Variants in TXNL4B observed in about 807,000 individuals in gnomAD.
TXNL4B encodes thioredoxin like 4B, also known as thioredoxin-like protein 4B.
TXNL4B carries 12 observed loss-of-function variants against 13.0 expected under a neutral mutation model. The observed-to-expected ratio is 0.92, with a 90% CI of 0.59 to 1.49. The LOEUF (loss-of-function observed/expected upper bound fraction) is 1.49, where lower values mean the gene tolerates loss of function less well. Among genes scored for constraint, TXNL4B ranks in the 40% most tolerant of loss-of-function variants. TXNL4B has a pLI of 0.00. For synonymous variants in TXNL4B, 59 were observed against 58.9 expected, an observed-to-expected ratio of 1.00 and a Z score of -0.01; for missense variants, 214 against 173.6, an observed-to-expected ratio of 1.23 and a Z score of -1.31.
At chr16:72,091,155 T>C (rs2041898932) in intron 1 of TXNL4B, among the ~76,000 whole-genome samples, 1 of 152,166 alleles carries the variant, frequency 6.6e-6, no homozygotes. Context: ...TTTGGTAATT[T>C]GAAGGCAGTT....
chr16:72,088,084 G>A (rs906320791), intron 3 of TXNL4B, among the ~76,000 whole-genome samples: 1 of 152,190 alleles, frequency 6.6e-6, no homozygotes, highest in African/African-American at 2.4e-5. Flanking sequence ...TTCCCAAAGT[G>A]CTGGGATTAC....
chr16:72,087,511 G>T (rs1436175779), intron 3 of TXNL4B: 1 of 152,138 alleles, frequency 6.6e-6, no homozygotes, highest in East Asian at 1.9e-4. Flanking sequence ...AGTCCTGGAA[G>T]TGTAATTACT....
At chr16:72,087,691 A>G (rs1398567147) in intron 3 of TXNL4B, among the ~76,000 whole-genome samples, 1 of 151,674 alleles carries the variant, frequency 6.6e-6, no homozygotes, top group Non-Finnish European at 1.5e-5. Flanking sequence ...TTTGCGATGG[A>G]GCCTTGCTCT....
chr16:72,091,444 G>C (rs749030070), intron 1 of TXNL4B, among the ~76,000 whole-genome samples: 1 of 152,176 alleles, frequency 6.6e-6, no homozygotes, highest in Non-Finnish European at 1.5e-5. Context: ...GCCTGTTGAG[G>C]CAGGCAAACC....
In TXNL4B at chr16:72,088,975, A is replaced by G; in HGVS notation, c.284+12T>C. 6.3e-7 allele frequency: 1 copy of G among 1,587,516 alleles called. No individual in the cohort carries two copies. The highest frequency in any genetic ancestry group is 8.6e-7 in the Non-Finnish European group (1 of 1,161,142). On this transcript the variant is annotated intron_variant, in intron 3 of 3. Transcript: ENST00000268483. ...ACAAGGTTGCAATTAACTTCAGATCAACTGCACTTACCCATAATCCACTTT... is the reference window on the plus strand; with the variant it reads ...ACAAGGTTGCAATTAACTTCAGATCGACTGCACTTACCCATAATCCACTTT...
chr16:72,086,713 C>A lies in TXNL4B; in HGVS notation c.374G>T (p.Arg125Met). The A allele has an allele frequency of 6.2e-7, 1 of 1,613,950 alleles. No individual in the cohort carries two copies. Among genetic ancestry groups the A allele is most frequent in the Non-Finnish European group, 8.5e-7 (1 of 1,179,832 alleles). The change falls in exon 4 of 4, where the codon AGG (arginine) becomes ATG (methionine). Residue 125 changes from arginine to methionine, a missense_variant. Transcript: ENST00000268483. Reference sequence around the variant, plus strand: ...AGGACTTTGGACAATAAGCTTCCCCCTCATTGCTCCTCGATAGATTACTTC... The same window carrying A: ...AGGACTTTGGACAATAAGCTTCCCCATCATTGCTCCTCGATAGATTACTTC... Reference protein sequence around the residue: ...LIEVIYRGAMRGKLIVQSPID... With the variant: ...LIEVIYRGAMMGKLIVQSPID...
intron 2 of TXNL4B, chr16:72,090,015 C>G (rs2041879329): frequency 2.2e-6 from 1 of 445,498 alleles, no homozygotes; most frequent in Admixed American, 2.4e-5. Flanking sequence ...TCCTCTGGTC[C>G]TTTTTTCCCC....
At chr16:72,087,453 CAT>C (rs1175103584) in intron 3 of TXNL4B, 1 of 151,374 alleles carries the variant, frequency 6.6e-6, no homozygotes, top group Non-Finnish European at 1.5e-5. Flanking sequence ...TTCTAGCTGA[CAT>C]ATATTTCTTT....
At chr16:72,088,395 T>C (rs2041854676) in intron 3 of TXNL4B, among the ~76,000 whole-genome samples, 1 of 152,248 alleles carries the variant, frequency 6.6e-6, no homozygotes, top group Admixed American at 6.5e-5. Context: ...CAATCATCAA[T>C]ATTAAGTATT....
At chr16:72,090,867 G>T in intron 1 of TXNL4B, 81 bp from the exon 2 acceptor site, 2 of 1,127,760 alleles carry the variant, frequency 1.8e-6, no homozygotes, top group Non-Finnish European at 2.6e-6. Flanking sequence ...TCACAGAGTA[G>T]CTAATGTATT....
At chr16:72,090,006 C>A (rs1483419729) in intron 2 of TXNL4B, 1 of 441,716 alleles carries the variant, frequency 2.3e-6, no homozygotes, top group Non-Finnish European at 4.6e-6. Flanking sequence ...AGGGTAGAAT[C>A]CTCTGGTCCT....
rs370496265 is a variant in TXNL4B, at chr16:72,085,073, C to G, written c.*1564G>C. 1.0e-5 allele frequency: 4 copies of G among 398,438 alleles called. No individual in the cohort carries two copies. The highest frequency in any genetic ancestry group is 4.1e-5 in the African/African-American group (2 of 48,598). 24.7% of individuals were successfully genotyped at this position (398,438 alleles called of 1,614,324 possible). ...GACAGGAAGTGTACGATGGAAGAGGCCAGAGGTGATGGCCTCCTCCTCTCC... is the reference window on the plus strand; with the variant it reads ...GACAGGAAGTGTACGATGGAAGAGGGCAGAGGTGATGGCCTCCTCCTCTCC... On this transcript the variant is annotated 3_prime_UTR_variant, in exon 4 of 4. Coordinates refer to ENST00000268483, the MANE Select transcript of TXNL4B (RefSeq NM_017853.3).
chr16:72,086,398 A>C lies in TXNL4B; in HGVS notation c.*239T>G. Reference sequence around the variant, plus strand: ...AGAAGTTACAAAAATCACTGTGGGGAAAATGAACACCAATGACTTGGCTGC... The same window carrying C: ...AGAAGTTACAAAAATCACTGTGGGGCAAATGAACACCAATGACTTGGCTGC... On this transcript the variant is annotated 3_prime_UTR_variant, in exon 4 of 4. Coordinates refer to ENST00000268483, the MANE Select transcript of TXNL4B (RefSeq NM_017853.3). 1 of 370,758 alleles carries C rather than the reference A, an allele frequency of 2.7e-6. No individual in the cohort carries two copies. Among genetic ancestry groups the C allele is most frequent in the Non-Finnish European group, 4.9e-6 (1 of 205,634 alleles). 23.0% of individuals were successfully genotyped at this position (370,758 alleles called of 1,614,324 possible).
chr16:72,090,027 A>T (rs553583565), intron 2 of TXNL4B: 56 of 447,626 alleles, frequency 1.3e-4, no homozygotes, highest in South Asian at 8.3e-4. Context: ...TTTTTCCCCA[A>T]GCTAACACAT....
At position 72,093,594 on chromosome 16, in the gene TXNL4B, G is replaced by C. The variant is rs562528080; in HGVS notation, c.-265C>G. 1 of 152,272 alleles carries C rather than the reference G, an allele frequency of 6.6e-6. No homozygotes were observed. The highest frequency in any genetic ancestry group is 1.5e-5 in the Non-Finnish European group (1 of 68,088). 9.4% of individuals were successfully genotyped at this position (152,272 alleles called of 1,614,324 possible). A position where few individuals can be genotyped will look rare whatever the true frequency, so the allele number is the denominator to read the frequency against. Reference sequence around the variant, plus strand: ...GAAAAGAAACTCCTGGCCGTCGGTCGGCCCCCGCTCAACAGCCCAATAAAC... The same window carrying C: ...GAAAAGAAACTCCTGGCCGTCGGTCCGCCCCCGCTCAACAGCCCAATAAAC... On this transcript the variant is annotated 5_prime_UTR_variant, in exon 1 of 4. Transcript: ENST00000268483.
At chr16:72,091,542 C>T (rs1289426834) in intron 1 of TXNL4B, among the ~76,000 whole-genome samples, 1 of 152,254 alleles carries the variant, frequency 6.6e-6, no homozygotes. Context: ...TTTATCTACT[C>T]TTCAGCACTT....
chr16:72,088,991 A>G lies in TXNL4B; in HGVS notation c.280T>C (p.Tyr94His). Reference protein sequence around the residue: ...FFNGQHMKVDYGSPDHTKFVG... With the variant: ...FFNGQHMKVDHGSPDHTKFVG... Reference sequence around the variant, plus strand: ...CTTCAGATCAACTGCACTTACCCATAATCCACTTTCATATGCTGCCCATTG... The same window carrying G: ...CTTCAGATCAACTGCACTTACCCATGATCCACTTTCATATGCTGCCCATTG... Residue 94 changes from tyrosine (Y) to histidine (H), a missense_variant, in exon 3 of 4, where the codon TAT becomes CAT. Coordinates refer to ENST00000268483, the MANE Select transcript of TXNL4B (RefSeq NM_017853.3). 6.2e-7 allele frequency: 1 copy of G among 1,601,362 alleles called. No homozygotes were observed. Among genetic ancestry groups the G allele is most frequent in the South Asian group, 1.1e-5 (1 of 90,010 alleles).
rs547455157 is a variant in TXNL4B, at chr16:72,085,471, A to G, written c.*1166T>C. 6.4e-6 allele frequency: 1 copy of G among 155,568 alleles called. No homozygotes were observed. Among genetic ancestry groups the G allele is most frequent in the Non-Finnish European group, 1.4e-5 (1 of 70,476 alleles). 9.6% of individuals were successfully genotyped at this position (155,568 alleles called of 1,614,324 possible). On this transcript the variant is annotated 3_prime_UTR_variant, in exon 4 of 4. Coordinates refer to ENST00000268483, the MANE Select transcript of TXNL4B (RefSeq NM_017853.3). Reference sequence around the variant, plus strand: ...GCCAGGCACCCCTAGAAGAGCAAGAATTCCTTACAAAGTTATTAAAACAGG... The same window carrying G: ...GCCAGGCACCCCTAGAAGAGCAAGAGTTCCTTACAAAGTTATTAAAACAGG...
At chr16:72,091,766 T>C (rs904634235) in intron 1 of TXNL4B, among the ~76,000 whole-genome samples, 1 of 152,204 alleles carries the variant, frequency 6.6e-6, no homozygotes, top group Admixed American at 6.5e-5. Flanking sequence ...ACAGATCAAT[T>C]AAGAGTGTGT....
Sources: gnomAD v4.1 joint callset for allele counts (sites outside exome capture counted in the v4.1 genomes callset) on GRCh38, gnomAD v4.1.1 for gene constraint, MANE v1.5 for transcripts, NCBI Gene and HGNC (gene_info 2026-07-23, HGNC 2026-07-21) for gene names.